Variants in CACNA1E observed in about 807,000 individuals in gnomAD.
CACNA1E encodes the protein voltage-dependent R-type calcium channel subunit alpha-1E.
In CACNA1E, 40 loss-of-function variants were observed where a neutral mutation model predicts 259.2. The observed-to-expected ratio is 0.15, with a 90% CI of 0.12 to 0.20. The LOEUF (loss-of-function observed/expected upper bound fraction) is 0.20, where lower values mean the gene tolerates loss of function less well. CACNA1E is among the 10% of genes least tolerant of loss of function. CACNA1E has a pLI of 1.00. For synonymous variants in CACNA1E, 1,104 were observed against 1,138.5 expected (o/e 0.97, Z 0.61); for missense variants, 1,874 against 3,040.1 (o/e 0.62, Z 9.02).
At chr1:181,430,480 C>T (rs924876627) in intron 2 of CACNA1E, among the ~76,000 whole-genome samples, 2 of 152,110 alleles carry the variant, frequency 1.3e-5, no homozygotes, top group African/African-American at 4.8e-5. Context: ...TTCTCTTGTT[C>T]GGGTTACTGT....
At chr1:181,746,518 A>G (rs144901017) in intron 25 of CACNA1E, among the ~76,000 whole-genome samples, 227 of 152,304 alleles carry the variant, frequency 1.5e-3, no homozygotes, top group Admixed American at 3.1e-3. Context: ...AGCTCCAAGC[A>G]ATTAACCCCT....
chr1:181,413,818 G>T (rs1009532066), intron 2 of CACNA1E, among the ~76,000 whole-genome samples: 1 of 152,228 alleles, frequency 6.6e-6, no homozygotes. Flanking sequence ...TCAGATGTGG[G>T]TGAATCAGCC....
chr1:181,461,798 G>T (rs1377248085), intron 2 of CACNA1E, among the ~76,000 whole-genome samples: 1 of 151,262 alleles, frequency 6.6e-6, no homozygotes, highest in African/African-American at 2.4e-5. Flanking sequence ...AATTACAAAA[G>T]TATTTTACAT....
At chr1:181,470,122 C>A (rs1434554695) in intron 2 of CACNA1E, among the ~76,000 whole-genome samples, 1 of 151,876 alleles carries the variant, frequency 6.6e-6, no homozygotes, top group African/African-American at 2.4e-5. Context: ...AGAGAGAGAG[C>A]ACGAGAGCAC....
At chr1:181,606,330 A>G (rs1281534491) in intron 6 of CACNA1E, among the ~76,000 whole-genome samples, 1 of 152,090 alleles carries the variant, frequency 6.6e-6, no homozygotes, top group African/African-American at 2.4e-5. Context: ...CCACCTACGG[A>G]GTTGCCCAAG....
chr1:181,610,455 A>C (rs1200649785), intron 6 of CACNA1E, among the ~76,000 whole-genome samples: 1 of 152,212 alleles, frequency 6.6e-6, no homozygotes, highest in Non-Finnish European at 1.5e-5. Context: ...GTGGTCTATA[A>C]AAGACAGCTA....
intron 2 of CACNA1E, among the ~76,000 whole-genome samples, chr1:181,424,629 T>C (rs1253314802): frequency 6.6e-6 from 1 of 152,204 alleles, no homozygotes; most frequent in Non-Finnish European, 1.5e-5. Flanking sequence ...ATGCATAACC[T>C]CTCTGCCACT....
At chr1:181,436,732 G>A (rs867217567) in intron 2 of CACNA1E, among the ~76,000 whole-genome samples, 3 of 145,278 alleles carry the variant, frequency 2.1e-5, no homozygotes, top group African/African-American at 8.0e-5. Flanking sequence ...AAGGGGTGAG[G>A]TTGTTCAAAG....
chr1:181,747,961 A>T (rs149420477), intron 25 of CACNA1E, among the ~76,000 whole-genome samples: 346 of 152,138 alleles, frequency 2.3e-3, no homozygotes, highest in African/African-American at 8.1e-3. Context: ...GTTATTCAGT[A>T]CTCTTTTCAT....
intron 7 of CACNA1E, among the ~76,000 whole-genome samples, chr1:181,653,729 A>AT (rs1658957138): frequency 6.6e-6 from 1 of 152,170 alleles, no homozygotes; most frequent in South Asian, 2.1e-4. Flanking sequence ...TTGTCATTGG[A>AT]TTTAGGGTCA....
intron 3 of CACNA1E, among the ~76,000 whole-genome samples, chr1:181,576,888 C>T (rs977138733): frequency 1.3e-5 from 2 of 152,118 alleles, no homozygotes; most frequent in Non-Finnish European, 2.9e-5. Context: ...CCACGATACC[C>T]CCTTATTTTA....
At chr1:181,350,605 T>A (rs1446786474) in intron 1 of CACNA1E, among the ~76,000 whole-genome samples, 2 of 152,286 alleles carry the variant, frequency 1.3e-5, no homozygotes, top group South Asian at 2.1e-4. Flanking sequence ...GCATTGGTCA[T>A]GTGCTTGCAC....
intron 11 of CACNA1E, 101 bp from the exon 12 acceptor site, chr1:181,717,954 C>T (rs941879392): frequency 7.7e-6 from 5 of 648,324 alleles, no homozygotes; most frequent in African/African-American, 1.8e-5. Context: ...AATGTCCTGA[C>T]GTGTGTTGTT....
chr1:181,562,442 C>T (rs918728793), intron 3 of CACNA1E, among the ~76,000 whole-genome samples: 4 of 152,096 alleles, frequency 2.6e-5, no homozygotes, highest in Non-Finnish European at 5.9e-5. Context: ...GAGTCATCAT[C>T]CCTTGCCTTT....
intron 14 of CACNA1E, 25 bp downstream of exon 14, chr1:181,720,362 C>G: frequency 6.2e-7 from 1 of 1,606,108 alleles, no homozygotes; most frequent in South Asian, 1.1e-5. Context: ...GCTTTCCATC[C>G]AAAGGAGGCT....
chr1:181,790,378 G>A, intron 43 of CACNA1E, 67 bp from the exon 44 acceptor site: 1 of 993,018 alleles, frequency 1.0e-6, no homozygotes, highest in South Asian at 1.3e-5. Flanking sequence ...GTGTTGCCCT[G>A]CTGGGGTGGG....
At chr1:181,438,070 A>G (rs1206511632) in intron 2 of CACNA1E, among the ~76,000 whole-genome samples, 2 of 152,148 alleles carry the variant, frequency 1.3e-5, no homozygotes, top group African/African-American at 4.8e-5. Flanking sequence ...TGTGGCTCCA[A>G]TTCCAGATTA....
intron 43 of CACNA1E, among the ~76,000 whole-genome samples, chr1:181,789,107 C>T (rs1221330056): frequency 2.6e-5 from 4 of 152,190 alleles, no homozygotes; most frequent in Admixed American, 6.5e-5. Context: ...GCTATCTTCC[C>T]GGTTCGGCCT....
At chr1:181,700,428 T>G (rs1410664816) in intron 7 of CACNA1E, among the ~76,000 whole-genome samples, 2 of 152,350 alleles carry the variant, frequency 1.3e-5, no homozygotes, top group African/African-American at 4.8e-5. Context: ...TGTGGTGCAC[T>G]TATTCATGAT....
Sources: allele counts gnomAD v4.1 joint callset (sites outside exome capture counted in the v4.1 genomes callset), GRCh38; gene constraint gnomAD v4.1.1; transcripts MANE v1.5; gene names NCBI Gene and HGNC (gene_info 2026-07-23, HGNC 2026-07-21).